Variants in DMD observed in about 807,000 individuals in gnomAD.
The protein encoded by DMD is mutant dystrophin.
In DMD, 63 loss-of-function variants were observed where a neutral mutation model predicts 330.1. The observed-to-expected ratio is 0.19, with a 90% confidence interval of 0.16 to 0.24. The LOEUF (loss-of-function observed/expected upper bound fraction) is 0.24, where lower values mean the gene tolerates loss of function less well. DMD is among the 10% of genes least tolerant of loss of function. The pLI, the probability that DMD is intolerant of heterozygous loss-of-function variation, is 1.00. For missense variants in DMD, 3,344 were observed against 2,684.1 expected, an observed-to-expected ratio of 1.25 and a Z score of -5.43; for synonymous variants, 1,223 against 959.8, an observed-to-expected ratio of 1.27 and a Z score of -5.07.
In DMD at chrX:31,831,021, C is replaced by T. The variant is rs773774272; in HGVS notation, c.7200+5697G>A. On this transcript the variant is annotated intron_variant, in intron 49 of 78. Transcript: ENST00000357033. The stretch of plus-strand genomic sequence containing the variant: ...GCATCTAATCCAGAAATGGCTTCTA[C>T]TTTCTGAATTCCTCCTTAGAATCAT... 1.2e-4 allele frequency among the ~76,000 whole-genome samples: 14 copies of T among 112,685 alleles called. No homozygotes were observed. In the South Asian group the frequency reaches 5.1e-3, roughly 41 times the overall value.
intron 60 of DMD, among the ~76,000 whole-genome samples, chrX:31,415,534 C>A (rs926091925): frequency 1.8e-5 from 2 of 111,741 alleles, no homozygotes; most frequent in African/African-American, 6.5e-5. Flanking sequence ...GTCTCTTTTC[C>A]AAAATTTCAT....
In DMD at chrX:32,618,532, A is replaced by G. The variant is rs186225574; in HGVS notation, c.1332-4079T>C. On this transcript the variant is annotated intron_variant, in intron 11 of 78. Coordinates refer to ENST00000357033, the MANE Select transcript of DMD (RefSeq NM_004006.3). ...TTGGAGTTTGGAGGGTGGCAGAAGG[A>G]AAGAATTAGGAAAAAATAACTAATG... Among the ~76,000 whole-genome samples the G allele has an allele frequency of 6.3e-5, 7 of 111,261 alleles. No individual in the cohort carries two copies. The East Asian group carries it at 2.0e-3, about 32-fold the overall frequency.
At chrX:31,453,780 A>AAAAAAAAAAAAAAAAAAC in intron 59 of DMD, among the ~76,000 whole-genome samples, 1 of 104,364 alleles carries the variant, frequency 9.6e-6, no homozygotes, top group African/African-American at 3.5e-5. Context: ...AAAAAAAAAA[A>AAAAAAAAAAAAAAAAAAC]AAAAAAAAAA....
At chrX:33,334,288 A>C (rs2054221047) in intron 1 of DMD, among the ~76,000 whole-genome samples, 1 of 111,889 alleles carries the variant, frequency 8.9e-6, no homozygotes. Context: ...TACTTTTCCA[A>C]GTCTCTAGTA....
intron 2 of DMD, among the ~76,000 whole-genome samples, chrX:32,961,397 T>C (rs1324827167): frequency 9.0e-6 from 1 of 110,925 alleles, no homozygotes; most frequent in Admixed American, 9.7e-5. Context: ...ACCTGAATCA[T>C]ACATTTTACA....
chrX:33,308,095 C>T (rs1241406191), intron 1 of DMD, among the ~76,000 whole-genome samples: 2 of 112,471 alleles, frequency 1.8e-5, no homozygotes, highest in Non-Finnish European at 3.8e-5. Flanking sequence ...TTGATTTATA[C>T]TGTCATTTAT....
intron 51 of DMD, among the ~76,000 whole-genome samples, chrX:31,745,539 G>A (rs2087755930): frequency 8.9e-6 from 1 of 111,881 alleles, no homozygotes; most frequent in South Asian, 3.7e-4. Context: ...TCTCCTCTTT[G>A]ATTAAATGTC....
In DMD at chrX:32,693,959, G is replaced by A. The variant is rs763246191; in HGVS notation, c.960+3911C>T. 4.5e-5 allele frequency among the ~76,000 whole-genome samples: 5 copies of A among 111,903 alleles called. No individual in the cohort carries two copies. In the South Asian group the frequency reaches 1.5e-3, roughly 34 times the overall value. On this transcript the variant is annotated intron_variant, in intron 9 of 78. Coordinates refer to ENST00000357033, the MANE Select transcript of DMD (RefSeq NM_004006.3). ...GAATAGGAGTGTTAGTAATTCCACTGTAGTAACTGCTATATATTAGGATTT... is the reference window on the plus strand; with the variant it reads ...GAATAGGAGTGTTAGTAATTCCACTATAGTAACTGCTATATATTAGGATTT...
At chrX:32,333,811 T>G (rs1021987550) in intron 41 of DMD, among the ~76,000 whole-genome samples, 1 of 111,518 alleles carries the variant, frequency 9.0e-6, no homozygotes, top group African/African-American at 3.3e-5. Flanking sequence ...GTCACATATT[T>G]TGTCCTAAAA....
chrX:32,298,975 G>A (rs943785975), intron 42 of DMD, among the ~76,000 whole-genome samples: 9 of 111,329 alleles, frequency 8.1e-5, no homozygotes, highest in African/African-American at 2.9e-4. Context: ...TGGTTCTGTT[G>A]CCATGGTGGG....
At chrX:32,170,269 G>T (rs2096882849) in intron 44 of DMD, among the ~76,000 whole-genome samples, 1 of 109,592 alleles carries the variant, frequency 9.1e-6, no homozygotes, top group African/African-American at 3.3e-5. Context: ...TCAGGAGTTC[G>T]AGACCAGCCT....
At chrX:32,009,402 C>T (rs1162217925) in intron 44 of DMD, among the ~76,000 whole-genome samples, 1 of 111,997 alleles carries the variant, frequency 8.9e-6, no homozygotes, top group Admixed American at 9.5e-5. Flanking sequence ...AGGCAATATG[C>T]ATTTTTAAGT....
At chrX:31,386,795 T>C (rs1436429875) in intron 60 of DMD, among the ~76,000 whole-genome samples, 4 of 112,148 alleles carry the variant, frequency 3.6e-5, no homozygotes, top group Non-Finnish European at 7.5e-5. Flanking sequence ...GTGACTGTCA[T>C]AATGGCTTTC....
chrX:32,625,525 G>A (rs929845870), intron 11 of DMD, among the ~76,000 whole-genome samples: 1 of 111,754 alleles, frequency 8.9e-6, no homozygotes. Flanking sequence ...TGTCTATGAG[G>A]AATGACATCC....
Position 32,711,018 on chromosome X carries a change from G to T in DMD, c.650-11725C>A, listed in dbSNP as rs771903628. On this transcript the variant is annotated intron_variant, in intron 7 of 78. Transcript: ENST00000357033. ...ATATGCATGCAAACATTACATATTT[G>T]GAAAGCAACTCCCTTTGACTAGATA... 3.6e-5 allele frequency among the ~76,000 whole-genome samples: 4 copies of T among 111,377 alleles called. No individual in the cohort carries two copies. In the East Asian group the frequency reaches 1.1e-3, roughly 32 times the overall value.
At chrX:31,245,821 C>T (rs1406953791) in intron 63 of DMD, among the ~76,000 whole-genome samples, 1 of 111,402 alleles carries the variant, frequency 9.0e-6, no homozygotes, top group Non-Finnish European at 1.9e-5. Flanking sequence ...GCTGTTCCCC[C>T]ATCTCTTTCC....
chrX:32,558,196 G>C (rs757588321), intron 16 of DMD, among the ~76,000 whole-genome samples: 1 of 111,362 alleles, frequency 9.0e-6, no homozygotes, highest in Non-Finnish European at 1.9e-5. Context: ...AGAAAGAAGA[G>C]ATGTATGTTG....
chrX:32,513,131 G>A (rs181470744), intron 18 of DMD, among the ~76,000 whole-genome samples: 12 of 111,726 alleles, frequency 1.1e-4, no homozygotes, highest in African/African-American at 3.9e-4. Context: ...CAACCATAGC[G>A]TGTCCCTGTA....
rs147231219 is a variant in DMD at position 32,380,610 on chromosome X, A to G, written c.4745T>C (p.Val1582Ala). 3 of 1,207,990 alleles carry G rather than the reference A, an allele frequency of 2.5e-6. No homozygotes were observed. The African/African-American group carries it at 5.3e-5, about 21-fold the overall frequency. ...LSRKMRKEMNVLTEWLAATDM... is the reference protein window; with the variant it reads ...LSRKMRKEMNALTEWLAATDM... ...TGTAGCTGCCAGCCATTCTGTCAAG[A>G]CATTCATTTCCTTTCGCATCTTACG... is the stretch of plus-strand genomic sequence containing the variant. Residue 1582 changes from valine (V) to alanine (A), a missense_variant, in exon 34 of 79, where the codon GTC becomes GCC. Physicochemically the swap from Val to Ala is moderately conservative, Grantham distance 64. Coordinates refer to ENST00000357033, the MANE Select transcript of DMD (RefSeq NM_004006.3).
Sources: gnomAD v4.1 joint callset for allele counts (sites outside exome capture counted in the v4.1 genomes callset) on GRCh38, gnomAD v4.1.1 for gene constraint, MANE v1.5 for transcripts, NCBI Gene and HGNC (gene_info 2026-07-23, HGNC 2026-07-21) for gene names.